The following ATP2B1 variants were observed in gnomAD, a reference collection of about 807,000 sequenced individuals.
ATP2B1 encodes ATPase plasma membrane Ca2+ transporting 1, also known as plasma membrane calcium-transporting ATPase 1.
ATP2B1 carries 14 observed loss-of-function variants against 124.2 expected under a neutral mutation model. The observed-to-expected ratio is 0.11, with a 90% CI of 0.07 to 0.18. The LOEUF (loss-of-function observed/expected upper bound fraction) is 0.18, where lower values mean the gene tolerates loss of function less well. ATP2B1 is among the 10% of genes least tolerant of loss of function. The pLI is 1.00. For missense variants in ATP2B1, 763 were observed against 1,466.1 expected (o/e 0.52, Z 7.83); for synonymous variants, 449 against 492.4 (o/e 0.91, Z 1.17).
intron 16 of ATP2B1, 106 bp from the exon 17 acceptor site, chr12:89,604,031 ATT>A: frequency 1.4e-6 from 2 of 1,405,522 alleles, no homozygotes; most frequent in Non-Finnish European, 1.9e-6. Flanking sequence ...ACAGGATTAT[ATT>A]TTTATATTAA....
At chr12:89,637,356 C>G (rs1236911964) in intron 3 of ATP2B1, among the ~76,000 whole-genome samples, 1 of 152,022 alleles carries the variant, frequency 6.6e-6, no homozygotes, top group African/African-American at 2.4e-5. Flanking sequence ...AAACTTAGAC[C>G]TAAATCAGGT....
intron 7 of ATP2B1, among the ~76,000 whole-genome samples, 173 bp downstream of exon 7, chr12:89,627,504 CA>C (rs1881083698): frequency 1.3e-5 from 2 of 151,492 alleles, no homozygotes; most frequent in African/African-American, 4.9e-5. Context: ...ATCTTATTAA[CA>C]TTGCAGTGAC....
chr12:89,691,629 T>A (rs1890566530), intron 1 of ATP2B1, among the ~76,000 whole-genome samples: 1 of 152,172 alleles, frequency 6.6e-6, no homozygotes, highest in East Asian at 1.9e-4. Context: ...TTAAGACTTA[T>A]AATACATGTC....
intron 1 of ATP2B1, among the ~76,000 whole-genome samples, chr12:89,691,276 C>G (rs969194119): frequency 5.9e-5 from 9 of 152,084 alleles, no homozygotes; most frequent in Admixed American, 2.0e-4. Context: ...CAGTCCTCTT[C>G]TAACTAAAAA....
At chr12:89,598,551 G>A (rs1253702888) in intron 20 of ATP2B1, 1 of 1,579,996 alleles carries the variant, frequency 6.3e-7, no homozygotes, top group Admixed American at 1.7e-5. Context: ...GTGTGAAGTA[G>A]GAAATGTTAA....
intron 6 of ATP2B1, among the ~76,000 whole-genome samples, chr12:89,628,473 A>G (rs1444110142): frequency 6.6e-6 from 1 of 151,648 alleles, no homozygotes; most frequent in African/African-American, 2.4e-5. Context: ...GAGAGTGAGG[A>G]CAAAATATGT....
chr12:89,646,886 G>A (rs1211761046), intron 2 of ATP2B1, among the ~76,000 whole-genome samples: 1 of 152,108 alleles, frequency 6.6e-6, no homozygotes, highest in African/African-American at 2.4e-5. Context: ...TAATGACAAT[G>A]ATCAAGTGGA....
rs371462749 is a variant in ATP2B1 at position 89,706,688 on chromosome 12, CAAT to C, written c.-222+1905_-222+1907del. ...CCCTTACACGTCAAAATGGGGATGC[CAAT>C]AATGACAGCTGCGATAAAAATCAAG... On this transcript the variant is annotated intron_variant, in intron 1 of 20. Transcript: ENST00000428670. Among the ~76,000 whole-genome samples the C allele has an allele frequency of 4.8e-3, 736 of 152,116 alleles. 4 individuals are homozygous for C. The highest frequency in any genetic ancestry group is 0.017 in the African/African-American group (689 of 41,480).
chr12:89,603,917 C>A lies in ATP2B1; in HGVS notation c.2643G>T (p.Pro881=). Residue 881 remains proline (P), a synonymous_variant, in exon 17 of 21, where the codon CCG becomes CCT. Coordinates refer to ENST00000428670, the MANE Select transcript of ATP2B1 (RefSeq NM_001366521.1). The surrounding 1 kb of genome is among the most constrained non-coding windows in gnomAD (Gnocchi z 4.3). ...FTGACITQDS[P]LKAVQMLWVN... is the part of the protein sequence containing the mutation. ...CCCACAGCATCTGCACAGCCTTAAGCGGTGAGTCCTAGAAAAGATATGTTT... is the reference window on the plus strand; with the variant it reads ...CCCACAGCATCTGCACAGCCTTAAGAGGTGAGTCCTAGAAAAGATATGTTT... 6.2e-7 allele frequency: 1 copy of A among 1,613,826 alleles called. No individual in the cohort carries two copies. The highest frequency in any genetic ancestry group is 8.5e-7 in the Non-Finnish European group (1 of 1,179,868).
intron 1 of ATP2B1, among the ~76,000 whole-genome samples, chr12:89,677,039 A>ACC (rs1402447936): frequency 4.3e-5 from 4 of 94,116 alleles, no homozygotes; most frequent in South Asian, 3.1e-4. Flanking sequence ...CACCACCACC[A>ACC]AACAAAGAAA....
intron 1 of ATP2B1, among the ~76,000 whole-genome samples, chr12:89,707,515 TTAGA>T (rs750836989): frequency 2.6e-5 from 4 of 152,098 alleles, no homozygotes; most frequent in Non-Finnish European, 5.9e-5. Flanking sequence ...ACAGAAGCCA[TTAGA>T]TTATTAATAA....
At chr12:89,626,218 A>G (rs1260700496) in intron 8 of ATP2B1, among the ~76,000 whole-genome samples, 1 of 152,224 alleles carries the variant, frequency 6.6e-6, no homozygotes, top group East Asian at 1.9e-4. Flanking sequence ...ATGAGTGCAC[A>G]GGCTTGTAAC....
At chr12:89,690,189 T>C (rs987049575) in intron 1 of ATP2B1, among the ~76,000 whole-genome samples, 3 of 152,100 alleles carry the variant, frequency 2.0e-5, no homozygotes, top group African/African-American at 7.2e-5. Flanking sequence ...GCCTAATAAA[T>C]GTTTATTTTT....
chr12:89,691,064 G>A (rs1890502309), intron 1 of ATP2B1, among the ~76,000 whole-genome samples: 1 of 152,050 alleles, frequency 6.6e-6, no homozygotes, highest in Non-Finnish European at 1.5e-5. Context: ...ACATGTGAGA[G>A]GCTCAACTGT....
intron 19 of ATP2B1, among the ~76,000 whole-genome samples, chr12:89,599,829 CA>C (rs1875448026): frequency 6.6e-6 from 1 of 152,054 alleles, no homozygotes; most frequent in African/African-American, 2.4e-5. Context: ...TGACGCCAAA[CA>C]AAAACAGATG....
At chr12:89,677,965 T>TAC (rs762930153) in intron 1 of ATP2B1, among the ~76,000 whole-genome samples, 2,906 of 111,644 alleles carry the variant, frequency 0.026, 64 homozygotes, top group Non-Finnish European at 0.033. Context: ...TATATATATA[T>TAC]ATATATACAC....
intron 1 of ATP2B1, among the ~76,000 whole-genome samples, chr12:89,703,440 C>G (rs1892089682): frequency 6.6e-6 from 1 of 152,166 alleles, no homozygotes; most frequent in Admixed American, 6.5e-5. Context: ...GAAAGAGCAA[C>G]TGCTTGTTAA....
chr12:89,599,718 T>A (rs1029652832), intron 19 of ATP2B1, among the ~76,000 whole-genome samples: 2 of 152,116 alleles, frequency 1.3e-5, no homozygotes, highest in South Asian at 4.1e-4. Flanking sequence ...AGAAAAAATG[T>A]ATAAAATTTT....
intron 6 of ATP2B1, among the ~76,000 whole-genome samples, chr12:89,630,115 G>A (rs1881604278): frequency 6.6e-6 from 1 of 152,142 alleles, no homozygotes; most frequent in Admixed American, 6.5e-5. Flanking sequence ...ATTAAGTATA[G>A]TAGAATAGAA....
Sources: gnomAD v4.1 joint callset for allele counts (sites outside exome capture counted in the v4.1 genomes callset) on GRCh38, gnomAD v4.1.1 for gene constraint, Gnocchi (gnomAD v3.1) non-coding constraint, MANE v1.5 for transcripts, NCBI Gene and HGNC (gene_info 2026-07-23, HGNC 2026-07-21) for gene names.